Variants in CNTN4 observed in about 807,000 individuals in gnomAD.
CNTN4 encodes contactin-4.
CNTN4 carries 77 observed loss-of-function variants against 122.5 expected under a neutral mutation model. That is an observed-to-expected ratio of 0.63 (90% confidence interval 0.52 to 0.76). The LOEUF (loss-of-function observed/expected upper bound fraction) is 0.76, where lower values mean the gene tolerates loss of function less well. Ranked by LOEUF, CNTN4 falls within the 30% of genes least tolerant of loss-of-function variation. The pLI is 0.00. For synonymous variants in CNTN4, 512 were observed against 447.0 expected (o/e 1.15, Z -1.83); for missense variants, 1,256 against 1,259.1 (o/e 1.00, Z 0.04).
intron 2 of CNTN4, among the ~76,000 whole-genome samples, chr3:2,185,514 T>A (rs887094458): frequency 6.6e-6 from 1 of 152,106 alleles, no homozygotes; most frequent in Non-Finnish European, 1.5e-5. Context: ...ATGCTCTAAG[T>A]GGATCTATAA....
At chr3:2,485,351 C>A (rs1439454918) in intron 3 of CNTN4, among the ~76,000 whole-genome samples, 1 of 152,244 alleles carries the variant, frequency 6.6e-6, no homozygotes, top group Non-Finnish European at 1.5e-5. Flanking sequence ...GTGCAGGATC[C>A]ACTAGGTGAA....
intron 3 of CNTN4, among the ~76,000 whole-genome samples, chr3:2,426,887 G>C (rs1323930899): frequency 2.6e-5 from 4 of 152,178 alleles, no homozygotes; most frequent in Non-Finnish European, 4.4e-5. Flanking sequence ...TCTGATGGTA[G>C]TTAATATTTC....
intron 14 of CNTN4, among the ~76,000 whole-genome samples, chr3:2,994,594 C>CATATATATATATATATATATATATAT (rs35069373): frequency 6.9e-5 from 10 of 144,648 alleles, no homozygotes; most frequent in East Asian, 6.0e-4. Context: ...CAGATTTTTT[C>CATATATATATATATATATATATATAT]ATATATATAT....
chr3:2,906,072 T>G (rs1023357044), intron 12 of CNTN4, among the ~76,000 whole-genome samples: 1 of 152,096 alleles, frequency 6.6e-6, no homozygotes, highest in African/African-American at 2.4e-5. Context: ...TCGTGCTGTG[T>G]GAAATAAGTC....
At chr3:2,912,761 T>C (rs889439503) in intron 12 of CNTN4, among the ~76,000 whole-genome samples, 27 of 152,354 alleles carry the variant, frequency 1.8e-4, no homozygotes, top group African/African-American at 5.8e-4. Flanking sequence ...CTTTAAGATG[T>C]GCTATATAAT....
At chr3:2,169,212 A>G (rs1050935455) in intron 2 of CNTN4, among the ~76,000 whole-genome samples, 9 of 152,170 alleles carry the variant, frequency 5.9e-5, no homozygotes, top group African/African-American at 1.9e-4. Context: ...AGTTAAAAGA[A>G]TGATATACAC....
chr3:2,919,861 C>T (rs2094410001), intron 12 of CNTN4, among the ~76,000 whole-genome samples: 2 of 152,018 alleles, frequency 1.3e-5, no homozygotes, highest in Admixed American at 6.5e-5. Context: ...TAATTTTAAT[C>T]AACATGTTGA....
intron 3 of CNTN4, among the ~76,000 whole-genome samples, chr3:2,440,771 CAT>C (rs909971698): frequency 3.8e-4 from 57 of 148,864 alleles, no homozygotes; most frequent in Non-Finnish European, 6.8e-4. Context: ...TATATACACA[CAT>C]ATTTGTACAT....
intron 2 of CNTN4, among the ~76,000 whole-genome samples, chr3:2,167,265 G>GCA (rs2036236832): frequency 6.6e-6 from 1 of 151,948 alleles, no homozygotes; most frequent in Non-Finnish European, 1.5e-5. Flanking sequence ...TGGACATATG[G>GCA]TTCAAAAATG....
rs11390812 is a variant in CNTN4 at position 2,129,264 on chromosome 3, C to CAAAAAAAAAA, written c.-145+28636_-145+28645dup. Among the ~76,000 whole-genome samples, 4 of 63,846 alleles carry CAAAAAAAAAA rather than the reference C, an allele frequency of 6.3e-5. 2 individuals carry two copies. 41.9% of individuals were successfully genotyped at this position (63,846 alleles called of 152,430 possible). A position where few individuals can be genotyped will look rare whatever the true frequency, so the allele number is the denominator to read the frequency against. Reference sequence around the variant, plus strand: ...CATTGCAAATGCTTGTCCAAACCTGCAAAAAAAAAAAAAAAAAAAAGCGCA... The same window carrying CAAAAAAAAAA: ...CATTGCAAATGCTTGTCCAAACCTGCAAAAAAAAAAAAAAAAAAAAAAAAAAAAAAGCGCA... On this transcript the variant is annotated intron_variant, in intron 2 of 24. Coordinates refer to ENST00000418658, the MANE Select transcript of CNTN4 (RefSeq NM_175607.3).
intron 4 of CNTN4, among the ~76,000 whole-genome samples, chr3:2,658,965 GACACACACACACACAC>G (rs67168398): frequency 7.4e-4 from 103 of 139,708 alleles, no homozygotes; most frequent in African/African-American, 2.3e-3. Context: ...CACACAAACA[GACACACACACACACAC>G]ACACACACAC....
At chr3:2,769,446 C>G (rs916420345) in intron 6 of CNTN4, among the ~76,000 whole-genome samples, 2 of 132,106 alleles carry the variant, frequency 1.5e-5, no homozygotes, top group East Asian at 2.2e-4. Flanking sequence ...GCCTGGGCAA[C>G]AGAGTGAGAC....
At chr3:2,323,627 T>C (rs1454427017) in intron 2 of CNTN4, among the ~76,000 whole-genome samples, 3 of 152,210 alleles carry the variant, frequency 2.0e-5, no homozygotes, top group African/African-American at 7.2e-5. Context: ...TATCCACCAT[T>C]AAATTAAGTT....
chr3:2,828,238 T>C (rs998190133), intron 7 of CNTN4, among the ~76,000 whole-genome samples: 2 of 152,044 alleles, frequency 1.3e-5, no homozygotes, highest in African/African-American at 4.8e-5. Context: ...CCTGAGTCTT[T>C]GTTTCTTGGC....
At chr3:2,150,527 T>C (rs544737702) in intron 2 of CNTN4, among the ~76,000 whole-genome samples, 88 of 152,334 alleles carry the variant, frequency 5.8e-4, no homozygotes, top group African/African-American at 2.0e-3. Flanking sequence ...ACAAGCTGGT[T>C]ATTTGTCTAC....
At chr3:2,451,418 GAATT>G (rs1458822143) in intron 3 of CNTN4, among the ~76,000 whole-genome samples, 3 of 147,282 alleles carry the variant, frequency 2.0e-5, no homozygotes, top group Non-Finnish European at 4.5e-5. Flanking sequence ...GGTATTTTGT[GAATT>G]AAAATAGTTT....
intron 2 of CNTN4, among the ~76,000 whole-genome samples, chr3:2,200,933 G>T (rs1431484326): frequency 6.6e-6 from 1 of 152,092 alleles, no homozygotes; most frequent in Non-Finnish European, 1.5e-5. Flanking sequence ...TAGAAAGTCT[G>T]GTTATAAAAT....
chr3:2,404,126 C>T (rs927933435), intron 3 of CNTN4, among the ~76,000 whole-genome samples: 15 of 152,086 alleles, frequency 9.9e-5, no homozygotes, highest in Admixed American at 1.3e-4. Context: ...CTGCAGAAAC[C>T]TCATGTATTT....
intron 3 of CNTN4, among the ~76,000 whole-genome samples, chr3:2,473,454 G>A (rs1383579222): frequency 6.6e-6 from 1 of 152,102 alleles, no homozygotes; most frequent in Admixed American, 6.6e-5. Flanking sequence ...TAATGTAGCT[G>A]CTAGCCACCT....
Sources: gnomAD v4.1 joint callset for allele counts (sites outside exome capture counted in the v4.1 genomes callset) on GRCh38, gnomAD v4.1.1 for gene constraint, MANE v1.5 for transcripts, NCBI Gene and HGNC (gene_info 2026-07-23, HGNC 2026-07-21) for gene names.